ADGRL2: variants seen among roughly 807,000 people sequenced by gnomAD.
ADGRL2 encodes the protein adhesion G protein-coupled receptor L2, also known as calcium-independent alpha-latrotoxin receptor 2.
ADGRL2 carries 44 observed loss-of-function variants against 157.4 expected under a neutral mutation model. The ratio of observed to expected loss-of-function variants is 0.28; its 90% confidence interval spans 0.22 to 0.36. ADGRL2 has a LOEUF of 0.36. Ranked by LOEUF, ADGRL2 falls within the 10% of genes least tolerant of loss-of-function variation. The pLI is 1.00. For missense variants in ADGRL2, 1,510 were observed against 1,768.9 expected (o/e 0.85, Z 2.63); for synonymous variants, 585 against 624.7 (o/e 0.94, Z 0.95).
In ADGRL2 at chr1:81,934,142, T is replaced by C. The variant is rs145065199; in HGVS notation, c.288-2586T>C. Among the ~76,000 whole-genome samples, 368 of 152,250 alleles carry C rather than the reference T, an allele frequency of 2.4e-3. 1 individual carries two copies. Among genetic ancestry groups the C allele is most frequent in the African/African-American group, 8.3e-3 (344 of 41,572 alleles). On this transcript the variant is annotated intron_variant, in intron 3 of 23. Coordinates refer to ENST00000686636, the MANE Select transcript of ADGRL2 (RefSeq NM_001366006.2). The stretch of plus-strand genomic sequence containing the variant: ...CGTTTTGCTGTCTTAAAGTGGATGC[T>C]TTGTGTAATGTGATTATTTAAATCA...
At chr1:81,906,867 G>A in intron 2 of ADGRL2, 150 bp from the exon 3 acceptor site, 2 of 628,806 alleles carry the variant, frequency 3.2e-6, no homozygotes, top group Non-Finnish European at 2.7e-6. Context: ...CTGACATATT[G>A]TAGAGAACCA....
intron 2 of ADGRL2, among the ~76,000 whole-genome samples, chr1:81,531,340 T>G (rs2079593779): frequency 6.6e-6 from 1 of 151,776 alleles, no homozygotes; most frequent in African/African-American, 2.4e-5. Flanking sequence ...TACACCAACT[T>G]TTGAACCTAT....
At chr1:81,885,462 G>A (rs1010033538) in intron 2 of ADGRL2, among the ~76,000 whole-genome samples, 3 of 152,138 alleles carry the variant, frequency 2.0e-5, no homozygotes, top group African/African-American at 7.2e-5. Context: ...TTGGTTCCAC[G>A]TCTTATCCAG....
At chr1:81,820,273 A>G (rs17426805) in intron 1 of ADGRL2, among the ~76,000 whole-genome samples, 4 of 152,148 alleles carry the variant, frequency 2.6e-5, no homozygotes, top group Non-Finnish European at 4.4e-5. Flanking sequence ...CTAACCAGTT[A>G]TAGATTCCTT....
At chr1:81,559,524 A>G (rs1457170732) in intron 2 of ADGRL2, among the ~76,000 whole-genome samples, 1 of 152,014 alleles carries the variant, frequency 6.6e-6, no homozygotes, top group Non-Finnish European at 1.5e-5. Context: ...TGAATCAAAT[A>G]GAATTTATAA....
intron 3 of ADGRL2, among the ~76,000 whole-genome samples, chr1:81,919,417 T>G (rs2094930240): frequency 6.6e-6 from 1 of 152,098 alleles, no homozygotes; most frequent in African/African-American, 2.4e-5. Context: ...CTTCTCCTCC[T>G]AATTTTTGGA....
At chr1:81,778,275 TCACGCCACTGCA>T (rs2086673267) in intron 2 of ADGRL2, among the ~76,000 whole-genome samples, 2 of 148,312 alleles carry the variant, frequency 1.3e-5, no homozygotes, top group Admixed American at 1.4e-4. Context: ...TGAGCGGAGA[TCACGCCACTGCA>T]CTCCAGCCTG....
chr1:81,740,749 C>T (rs369566059), intron 1 of ADGRL2, among the ~76,000 whole-genome samples: 2 of 152,056 alleles, frequency 1.3e-5, no homozygotes, highest in East Asian at 3.9e-4. Flanking sequence ...ACATTATCTC[C>T]ACAAATGGAA....
chr1:81,553,378 GC>G (rs1557453983), intron 2 of ADGRL2, among the ~76,000 whole-genome samples: 1 of 152,110 alleles, frequency 6.6e-6, no homozygotes, highest in African/African-American at 2.4e-5. Flanking sequence ...AGCAGTATTT[GC>G]AGCTATGCAA....
chr1:81,676,661 T>C (rs772794164), intron 3 of ADGRL2, among the ~76,000 whole-genome samples: 1 of 151,910 alleles, frequency 6.6e-6, no homozygotes, highest in Non-Finnish European at 1.5e-5. Flanking sequence ...TGTGGAAATG[T>C]GTACAGAACT....
At chr1:81,541,284 C>T (rs570432426) in intron 2 of ADGRL2, among the ~76,000 whole-genome samples, 1 of 152,302 alleles carries the variant, frequency 6.6e-6, no homozygotes, top group African/African-American at 2.4e-5. Context: ...TGTGCAAGAA[C>T]CAGGATGCAA....
rs971953315 is a variant in ADGRL2 at position 81,399,796 on chromosome 1, G to T, written c.-301-45240G>T. Among the ~76,000 whole-genome samples the T allele has an allele frequency of 6.6e-5, 10 of 151,916 alleles. No individual in the cohort carries two copies. In the South Asian group the frequency reaches 1.5e-3, roughly 22 times the overall value. ...AGCAATTCATAGTTTCCTTTTCATT[G>T]GATCTGTAACTAGACAGTTATTATA... On this transcript the variant is annotated intron_variant, in intron 1 of 24. Coordinates refer to the ADGRL2 transcript ENST00000370721.
At chr1:81,859,750 A>T (rs2093330878) in intron 2 of ADGRL2, among the ~76,000 whole-genome samples, 1 of 152,166 alleles carries the variant, frequency 6.6e-6, no homozygotes, top group African/African-American at 2.4e-5. Flanking sequence ...TAATCATTTC[A>T]TGTCATTTAG....
At chr1:81,686,083 T>A (rs1303421745) in intron 3 of ADGRL2, among the ~76,000 whole-genome samples, 1 of 152,212 alleles carries the variant, frequency 6.6e-6, no homozygotes, top group Non-Finnish European at 1.5e-5. Context: ...TCAAGGATAT[T>A]GGTCTGTAGT....
intron 1 of ADGRL2, among the ~76,000 whole-genome samples, chr1:81,376,912 T>G (rs1051314217): frequency 2.0e-5 from 3 of 152,178 alleles, no homozygotes; most frequent in Non-Finnish European, 2.9e-5. Flanking sequence ...CCAGGCTTGA[T>G]GCAGTTGTTC....
At chr1:81,822,178 T>C (rs944763990) in intron 1 of ADGRL2, among the ~76,000 whole-genome samples, 1 of 151,752 alleles carries the variant, frequency 6.6e-6, no homozygotes, top group African/African-American at 2.4e-5. Context: ...AAAAAAAATA[T>C]GATTTTAATT....
intron 2 of ADGRL2, among the ~76,000 whole-genome samples, chr1:81,784,725 C>G (rs1330185880): frequency 1.6e-5 from 1 of 64,200 alleles, no homozygotes; most frequent in Middle Eastern, 6.5e-3. Context: ...GAGACCCCGT[C>G]TCAAAAAAAA....
rs780678428 is a variant in ADGRL2 at position 81,636,530 on chromosome 1, GA to G, written c.-143+55552del. Among the ~76,000 whole-genome samples, 34 of 152,018 alleles carry G rather than the reference GA, an allele frequency of 2.2e-4. 4 individuals are homozygous for G. Among genetic ancestry groups the G allele is most frequent in the East Asian group, 1.9e-3 (10 of 5,148 alleles). ...TGGAAAAGGGAGGAAACTCTAATGG[GA>G]ATGGATGGCTACACAAACTGTCCCT... On this transcript the variant is annotated intron_variant, in intron 3 of 24. Coordinates refer to the ADGRL2 transcript ENST00000370721.
At chr1:81,478,514 A>G (rs3924703) in intron 2 of ADGRL2, among the ~76,000 whole-genome samples, 5,294 of 152,258 alleles carry the variant, frequency 0.035, 297 homozygotes, top group African/African-American at 0.12. Context: ...TGGTGCTGGC[A>G]CTTTCATTGT....
Sources: allele counts gnomAD v4.1 joint callset (sites outside exome capture counted in the v4.1 genomes callset), GRCh38; gene constraint gnomAD v4.1.1; transcripts MANE v1.5; gene names NCBI Gene and HGNC (gene_info 2026-07-23, HGNC 2026-07-21).